SLC17A7: variants seen among roughly 807,000 people sequenced by gnomAD.
SLC17A7 encodes vesicular glutamate transporter 1.
A neutral mutation model predicts 59.1 loss-of-function variants in SLC17A7; 15 were observed. The observed-to-expected ratio is 0.25, with a 90% confidence interval of 0.17 to 0.39. The LOEUF is 0.39. Among genes scored for constraint, SLC17A7 ranks in the 10% least tolerant of loss-of-function variants. SLC17A7 has a pLI of 1.00. For synonymous variants in SLC17A7, 353 were observed against 308.9 expected, an observed-to-expected ratio of 1.14 and a Z score of -1.50; for missense variants, 499 against 765.1, an observed-to-expected ratio of 0.65 and a Z score of 4.10.
intron 1 of SLC17A7, among the ~76,000 whole-genome samples, chr19:49,439,893 C>T (rs1458460927): frequency 6.7e-6 from 1 of 148,482 alleles, no homozygotes; most frequent in Non-Finnish European, 1.5e-5. Context: ...TACATCCCTC[C>T]CGCTGCCACC....
In SLC17A7 at chr19:49,433,648, C is replaced by T. The variant is rs58783790; in HGVS notation, c.867+78G>A. On this transcript the variant is annotated intron_variant, in intron 7 of 11. Transcript: ENST00000221485. The surrounding 1 kb of genome is among the most constrained non-coding windows in gnomAD (Gnocchi z 5.7). ...CGTCTCCTCTAGAGTCTGCAGGAAC[C>T]GTCCCTGATCTACACGCTGTGCAGG... is the stretch of plus-strand genomic sequence containing the variant. 3 of 1,595,228 alleles carry T rather than the reference C, an allele frequency of 1.9e-6. No individual in the cohort carries two copies. Among genetic ancestry groups the T allele is most frequent in the African/African-American group, 1.3e-5 (1 of 74,502 alleles).
rs769456749 is a variant in SLC17A7, at chr19:49,436,775, G to A, written c.89C>T (p.Ala30Val). The A allele has an allele frequency of 1.9e-6, 3 of 1,603,894 alleles. No individual in the cohort carries two copies. Among genetic ancestry groups the A allele is most frequent in the Non-Finnish European group, 1.7e-6 (2 of 1,179,748 alleles). ...ATCCGCACTCAGCTCCAGCGTCTCC[G>A]CGCCTTCCTGCCGCTTCTCCAGAAG... ...HRLLEKRQEGAETLELSADGR... is the reference protein window; with the variant it reads ...HRLLEKRQEGVETLELSADGR... The change falls in exon 2 of 12, where the codon GCG becomes GTG. Residue 30 changes from alanine (A) to valine (V), a missense_variant. Transcript: ENST00000221485. The surrounding 1 kb of genome is among the most constrained non-coding windows in gnomAD (Gnocchi z 4.1).
chr19:49,431,006 G>A lies in SLC17A7; in HGVS notation c.1389+9C>T, dbSNP rs60408689. ...TGGAGGCAGACTGAGTCAGGACTGC[G>A]GCACCCACCTTGTGCTTAGTCATGG... On this transcript the variant is annotated intron_variant, in intron 11 of 11. Coordinates refer to ENST00000221485, the MANE Select transcript of SLC17A7 (RefSeq NM_020309.4). The surrounding 1 kb of genome is among the most constrained non-coding windows in gnomAD (Gnocchi z 4.6). The A allele has an allele frequency of 1.7e-4, 276 of 1,601,966 alleles. 1 individual carries two copies. The African/African-American group carries it at 3.3e-3, about 19-fold the overall frequency.
intron 3 of SLC17A7, 46 bp downstream of exon 3, chr19:49,435,122 C>T: frequency 7.1e-7 from 1 of 1,411,256 alleles, no homozygotes; most frequent in Non-Finnish European, 1.0e-6. Flanking sequence ...CTAACTCCAC[C>T]CACACAACTG....
chr19:49,436,684 A>C lies in SLC17A7; in HGVS notation c.180T>G (p.Pro60=). The change falls in exon 2 of 12, where the codon CCT becomes CCG. Residue 60 remains proline (P), a synonymous_variant. Coordinates refer to ENST00000221485, the MANE Select transcript of SLC17A7 (RefSeq NM_020309.4). This position sits in a 1 kb window ranked among gnomAD's most constrained non-coding sequence, Gnocchi z 4.1. ...PVVDCTCFGL[P]RRYIIAIMSG... ...TCATGATGGCGATAATGTAGCGGCG[A>C]GGGAGGCCGAAGCAGGTGCAGTCCA... 6.2e-7 allele frequency: 1 copy of C among 1,613,858 alleles called. No homozygotes were observed. The highest frequency in any genetic ancestry group is 8.5e-7 in the Non-Finnish European group (1 of 1,179,972).
rs749481992 is a variant in SLC17A7, at chr19:49,436,700, G to C, written c.164C>G (p.Thr55Ser). 2.5e-6 allele frequency: 4 copies of C among 1,613,662 alleles called. No homozygotes were observed. The South Asian group carries it at 3.3e-5, about 13-fold the overall frequency. The change falls in exon 2 of 12, where the codon ACC (threonine) becomes AGC (serine). Residue 55 changes from threonine to serine, a missense_variant. By Grantham distance (58) the Thr-to-Ser change is moderately conservative. Around this residue, in one of 3 missense-constraint regions of SLC17A7, gnomAD observed 78 missense variants for 80.4 expected, o/e 0.97. Coordinates refer to ENST00000221485, the MANE Select transcript of SLC17A7 (RefSeq NM_020309.4). This position sits in a 1 kb window ranked among gnomAD's most constrained non-coding sequence, Gnocchi z 4.1. ...GTAGCGGCGAGGGAGGCCGAAGCAG[G>C]TGCAGTCCACCACCGGCGGGTCCCG... ...QTRDPPVVDC[T>S]CFGLPRRYII...
chr19:49,434,524 T>G, intron 5 of SLC17A7, 78 bp downstream of exon 5: 55 of 500,358 alleles, frequency 1.1e-4, no homozygotes, highest in Non-Finnish European at 1.6e-4. Flanking sequence ...CCCCAGCCCC[T>G]CCCCGCTCAG....
chr19:49,434,755 G>A lies in SLC17A7; in HGVS notation c.549+13C>T, dbSNP rs1431764689. 1 of 1,614,024 alleles carries A rather than the reference G, an allele frequency of 6.2e-7. No homozygotes were observed. Among genetic ancestry groups the A allele is most frequent in the Non-Finnish European group, 8.5e-7 (1 of 1,179,890 alleles). On this transcript the variant is annotated intron_variant, in intron 4 of 11. Coordinates refer to ENST00000221485, the MANE Select transcript of SLC17A7 (RefSeq NM_020309.4). ...TCCGAGCGAGGGCAGGGTCATATCA[G>A]GCGGGGATTTACCTCTACCAACCCC...
In SLC17A7 at chr19:49,436,268, C is replaced by A; in HGVS notation, c.315+281G>T. 1 of 504,770 alleles carries A rather than the reference C, an allele frequency of 2.0e-6. No homozygotes were observed. Among genetic ancestry groups the A allele is most frequent in the Non-Finnish European group, 3.6e-6 (1 of 280,184 alleles). The allele number at this position is 504,770 out of a possible 1,614,324, so 31.3% of individuals were successfully genotyped here. On this transcript the variant is annotated intron_variant, in intron 2 of 11. Transcript: ENST00000221485. The surrounding 1 kb of genome is among the most constrained non-coding windows in gnomAD (Gnocchi z 4.1). ...TAGGTCCAAAATGGGGCAGGGGCAA[C>A]CCCTAGGGAACCTGATGTTGGGGCG...
In SLC17A7 at chr19:49,433,559, TCTCGTC is replaced by T. The variant is rs767453002; in HGVS notation, c.867+161_867+166del. ...TAACCCTGCCCCCAGCACCTGAGAA[TCTCGTC>T]CTCCGCGGGTTGCAACCCGCCTCCT... On this transcript the variant is annotated intron_variant, in intron 7 of 11. Transcript: ENST00000221485. This position sits in a 1 kb window ranked among gnomAD's most constrained non-coding sequence, Gnocchi z 5.7. 1 of 907,778 alleles carries T rather than the reference TCTCGTC, an allele frequency of 1.1e-6. No individual in the cohort carries two copies. The allele number at this position is 907,778 out of a possible 1,614,324, so 56.2% of individuals were successfully genotyped here.
Position 49,429,918 on chromosome 19 carries a change from G to A in SLC17A7, c.*601C>T, listed in dbSNP as rs2078951305. The A allele has an allele frequency of 1.8e-5, 4 of 221,358 alleles. No individual in the cohort carries two copies. Among genetic ancestry groups the A allele is most frequent in the Non-Finnish European group, 3.5e-5 (4 of 113,078 alleles). The allele number at this position is 221,358 out of a possible 1,614,324, so 13.7% of individuals were successfully genotyped here. ...GGGTCTTGAGAAATTTGGTGCTTTC[G>A]CAGAATCTGCTGGTAGGGGAGATGT... On this transcript the variant is annotated 3_prime_UTR_variant, in exon 12 of 12. Transcript: ENST00000221485.
At chr19:49,435,070 C>T (rs966534140) in intron 3 of SLC17A7, 98 bp downstream of exon 3, 2 of 1,073,732 alleles carry the variant, frequency 1.9e-6, no homozygotes, top group African/African-American at 1.6e-5. Flanking sequence ...CCAGGCTTCT[C>T]CCATTTACCA....
At position 49,441,358 on chromosome 19, in the gene SLC17A7, A is replaced by C; in HGVS notation, c.22T>G (p.Phe8Val). The C allele has an allele frequency of 6.2e-7, 1 of 1,602,008 alleles. No individual in the cohort carries two copies. The change falls in exon 1 of 12, where the codon TTT becomes GTT. Residue 8 changes from phenylalanine to valine, a missense_variant. Coordinates refer to ENST00000221485, the MANE Select transcript of SLC17A7 (RefSeq NM_020309.4). ...AGAGCACGACCCGCTAGCTTCCGAA[A>C]CTCCTCCTGGCGGAACTCCATGGTG... MEFRQEEFRKLAGRALGK... is the reference protein window; with the variant it reads MEFRQEEVRKLAGRALGK...
At chr19:49,435,062 A>T in intron 3 of SLC17A7, 106 bp downstream of exon 3, 1 of 1,042,276 alleles carries the variant, frequency 9.6e-7, no homozygotes, top group South Asian at 1.4e-5. Flanking sequence ...CCCCAAATCC[A>T]GGCTTCTCCC....
chr19:49,430,517 G>A lies in SLC17A7; in HGVS notation c.*2C>T. The A allele has an allele frequency of 6.4e-7, 1 of 1,562,510 alleles. No homozygotes were observed. The highest frequency in any genetic ancestry group is 8.7e-7 in the Non-Finnish European group (1 of 1,153,098). On this transcript the variant is annotated 3_prime_UTR_variant, in exon 12 of 12. Coordinates refer to ENST00000221485, the MANE Select transcript of SLC17A7 (RefSeq NM_020309.4). ...AACTGCCATTCAGTGGGAGGCACAT[G>A]GTCAGTAGTCCCGGACAGGGGGTGG...
In SLC17A7 at chr19:49,430,588, C is replaced by T. The variant is rs546442351; in HGVS notation, c.1614G>A (p.Pro538=). Reference sequence around the variant, plus strand: ...TGCTGTGTGTGGCCCCATAGGAGGGCGGGGGTGCAGGGGGTGCCCCCGGGG... The same window carrying T: ...TGCTGTGTGTGGCCCCATAGGAGGGTGGGGGTGCAGGGGGTGCCCCCGGGG... ...AEPPGAPPAP[P]PSYGATHSTF... is the part of the protein sequence containing the mutation. The change falls in exon 12 of 12, where the codon CCG becomes CCA. Residue 538 remains proline (P), a synonymous_variant. Coordinates refer to ENST00000221485, the MANE Select transcript of SLC17A7 (RefSeq NM_020309.4). 1.2e-5 allele frequency: 18 copies of T among 1,485,602 alleles called. No individual in the cohort carries two copies. The highest frequency in any genetic ancestry group is 7.3e-5 in the African/African-American group (5 of 68,842). 92.0% of individuals were successfully genotyped at this position (1,485,602 alleles called of 1,614,324 possible).
Position 49,431,342 on chromosome 19 carries a change from G to A in SLC17A7, c.1257C>T (p.Ile419=). 1.2e-6 allele frequency: 2 copies of A among 1,614,062 alleles called. No homozygotes were observed. Among genetic ancestry groups the A allele is most frequent in the East Asian group, 2.2e-5 (1 of 44,884 alleles). ...VLAVGFSGFA[I]SGFNVNHLDI... is the part of the protein sequence containing the mutation. ...CTGCGGATCCGCGGTTCTCACCAGA[G>A]ATGGCGAAGCCGCTGAAGCCCACGG... The change falls in exon 10 of 12, where the codon ATC becomes ATT. Residue 419 remains isoleucine, a synonymous_variant. Transcript: ENST00000221485. The surrounding 1 kb of genome is among the most constrained non-coding windows in gnomAD (Gnocchi z 4.6).
chr19:49,431,342 G>T lies in SLC17A7; in HGVS notation c.1257C>A (p.Ile419=), dbSNP rs1201613437. Reference sequence around the variant, plus strand: ...CTGCGGATCCGCGGTTCTCACCAGAGATGGCGAAGCCGCTGAAGCCCACGG... The same window carrying T: ...CTGCGGATCCGCGGTTCTCACCAGATATGGCGAAGCCGCTGAAGCCCACGG... The part of the protein sequence containing the change: ...VLAVGFSGFA[I]SGFNVNHLDI... Residue 419 remains isoleucine (I), a synonymous_variant, in exon 10 of 12, where the codon ATC becomes ATA. Transcript: ENST00000221485. The surrounding 1 kb of genome is among the most constrained non-coding windows in gnomAD (Gnocchi z 4.6). The T allele has an allele frequency of 6.2e-7, 1 of 1,613,944 alleles. No individual in the cohort carries two copies. The highest frequency in any genetic ancestry group is 1.3e-5 in the African/African-American group (1 of 74,934).
chr19:49,430,145 T>G lies in SLC17A7; in HGVS notation c.*374A>C, dbSNP rs2078952172. ...GATGGGAGCTGAGTGATCTCAAAGG[T>G]TAGCCTGAGAGTCCCTGGAGATAAA... is the stretch of plus-strand genomic sequence containing the variant. On this transcript the variant is annotated 3_prime_UTR_variant, in exon 12 of 12. Transcript: ENST00000221485. 5.7e-6 allele frequency: 1 copy of G among 174,290 alleles called. No individual in the cohort carries two copies. Among genetic ancestry groups the G allele is most frequent in the East Asian group, 1.6e-4 (1 of 6,132 alleles). 10.8% of individuals were successfully genotyped at this position (174,290 alleles called of 1,614,324 possible).
Sources: allele counts gnomAD v4.1 joint callset (sites outside exome capture counted in the v4.1 genomes callset), GRCh38; gene constraint gnomAD v4.1.1; regional missense constraint gnomAD v4.1.1; non-coding constraint Gnocchi (gnomAD v3.1); transcripts MANE v1.5; gene names NCBI Gene and HGNC (gene_info 2026-07-23, HGNC 2026-07-21).